The following RCAN2 variants were observed in gnomAD, a reference collection of about 807,000 sequenced individuals.
RCAN2 encodes the protein calcipressin-2.
In RCAN2, 9 loss-of-function variants were observed where a neutral mutation model predicts 23.6. The ratio of observed to expected loss-of-function variants is 0.38; its 90% CI spans 0.23 to 0.67. The LOEUF is 0.67. RCAN2 is among the 30% of genes least tolerant of loss of function. The pLI, the probability that RCAN2 is intolerant of heterozygous loss-of-function variation, is 0.51. For missense variants in RCAN2, 273 were observed against 302.3 expected (o/e 0.90, Z 0.72); for synonymous variants, 109 against 115.7 (o/e 0.94, Z 0.37).
intron 1 of RCAN2, among the ~76,000 whole-genome samples, chr6:46,470,876 G>C (rs956630812): frequency 1.7e-4 from 26 of 152,124 alleles, no homozygotes; most frequent in African/African-American, 6.3e-4. Context: ...ATTGTGCATG[G>C]CTCAGTCTTT....
At chr6:46,228,972 C>CA (rs1451915249) in intron 4 of RCAN2, among the ~76,000 whole-genome samples, 1 of 152,160 alleles carries the variant, frequency 6.6e-6, no homozygotes, top group Non-Finnish European at 1.5e-5. Flanking sequence ...CTGGTGATGA[C>CA]AAAATCTCTC....
At chr6:46,389,149 T>G (rs1240846280) in intron 2 of RCAN2, among the ~76,000 whole-genome samples, 1 of 152,096 alleles carries the variant, frequency 6.6e-6, no homozygotes, top group African/African-American at 2.4e-5. Context: ...AAAAAATAGT[T>G]TCAGAGGCTT....
intron 2 of RCAN2, among the ~76,000 whole-genome samples, chr6:46,255,210 T>C (rs1766865694): frequency 6.6e-6 from 1 of 151,888 alleles, no homozygotes; most frequent in South Asian, 2.1e-4. Flanking sequence ...AGGAAGTGGA[T>C]ATTTGGGTCA....
At chr6:46,460,545 G>C (rs887028994) in intron 1 of RCAN2, among the ~76,000 whole-genome samples, 3 of 151,870 alleles carry the variant, frequency 2.0e-5, no homozygotes, top group Admixed American at 6.6e-5. Context: ...ACCTCACCCA[G>C]GCTGGGATGA....
At chr6:46,470,446 G>A (rs796774409) in intron 1 of RCAN2, among the ~76,000 whole-genome samples, 16 of 152,330 alleles carry the variant, frequency 1.1e-4, no homozygotes, top group African/African-American at 3.8e-4. Context: ...ACCTAGTTCA[G>A]TACCAGGAAT....
In RCAN2 at chr6:46,349,251, T is replaced by A. The variant is rs79337111; in HGVS notation, c.226-100355A>T. Among the ~76,000 whole-genome samples the A allele has an allele frequency of 4.1e-3, 624 of 152,216 alleles. 7 individuals carry two copies. The highest frequency in any genetic ancestry group is 0.014 in the African/African-American group (591 of 41,528). On this transcript the variant is annotated intron_variant, in intron 2 of 4. Transcript: ENST00000371374. ...CTAAGAATTCTGGGTCCTGAAGCAATTTTAAATCTAGAGGAGAGAAAGACA... is the reference window on the plus strand; with the variant it reads ...CTAAGAATTCTGGGTCCTGAAGCAAATTTAAATCTAGAGGAGAGAAAGACA...
chr6:46,432,166 C>T (rs1354484568), intron 2 of RCAN2, among the ~76,000 whole-genome samples: 1 of 152,096 alleles, frequency 6.6e-6, no homozygotes, highest in Non-Finnish European at 1.5e-5. Context: ...ACCATAATAA[C>T]TATTTTGTGT....
chr6:46,335,789 C>T (rs1258053872), intron 2 of RCAN2, among the ~76,000 whole-genome samples: 1 of 152,110 alleles, frequency 6.6e-6, no homozygotes, highest in Non-Finnish European at 1.5e-5. Context: ...TGATACCTAC[C>T]TCTGTTTAGA....
At chr6:46,378,399 T>G (rs956481028) in intron 2 of RCAN2, among the ~76,000 whole-genome samples, 1 of 152,152 alleles carries the variant, frequency 6.6e-6, no homozygotes. Context: ...CAAAAGATGG[T>G]AGGTGCTATT....
intron 2 of RCAN2, among the ~76,000 whole-genome samples, chr6:46,452,518 A>G (rs369202385): frequency 2.4e-4 from 36 of 152,320 alleles, no homozygotes; most frequent in African/African-American, 7.7e-4. Flanking sequence ...CCCTAACAGA[A>G]CAAAAGGAAC....
chr6:46,318,808 GT>G (rs1297330203), intron 2 of RCAN2, among the ~76,000 whole-genome samples: 1 of 152,114 alleles, frequency 6.6e-6, no homozygotes, highest in Non-Finnish European at 1.5e-5. Flanking sequence ...ACACACATAT[GT>G]TTTACCCAGG....
chr6:46,347,625 GT>G (rs1331808932), intron 2 of RCAN2, among the ~76,000 whole-genome samples: 6 of 152,074 alleles, frequency 3.9e-5, no homozygotes, highest in African/African-American at 1.4e-4. Flanking sequence ...TTTAATAATA[GT>G]TACCTTGTTT....
chr6:46,284,284 G>A (rs552593858), intron 2 of RCAN2, among the ~76,000 whole-genome samples: 5 of 152,124 alleles, frequency 3.3e-5, no homozygotes, highest in South Asian at 2.1e-4. Flanking sequence ...ATTTAGTCTC[G>A]GCAGAGTGGG....
At chr6:46,436,353 C>T (rs1767363032) in intron 2 of RCAN2, among the ~76,000 whole-genome samples, 1 of 152,212 alleles carries the variant, frequency 6.6e-6, no homozygotes, top group Non-Finnish European at 1.5e-5. Context: ...GCTGGGATTA[C>T]AGGCGCGTGC....
chr6:46,325,267 A>G (rs1438872043), intron 2 of RCAN2: 2 of 958,898 alleles, frequency 2.1e-6, no homozygotes, highest in Non-Finnish European at 3.1e-6. Flanking sequence ...CACTCACTAC[A>G]TGCATTTCTA....
chr6:46,285,997 A>C (rs1561842914), intron 2 of RCAN2, among the ~76,000 whole-genome samples: 1 of 152,252 alleles, frequency 6.6e-6, no homozygotes, highest in South Asian at 2.1e-4. Flanking sequence ...GATGAGCTGC[A>C]TGAAGCTCCT....
intron 2 of RCAN2, among the ~76,000 whole-genome samples, chr6:46,286,696 C>A (rs915601072): frequency 6.6e-6 from 1 of 152,088 alleles, no homozygotes; most frequent in South Asian, 2.1e-4. Context: ...CAGACATGCC[C>A]AGGCAGTTAG....
At chr6:46,309,833 A>G (rs1355698934) in intron 2 of RCAN2, among the ~76,000 whole-genome samples, 2 of 152,190 alleles carry the variant, frequency 1.3e-5, no homozygotes, top group African/African-American at 4.8e-5. Context: ...AAAGACTAGT[A>G]AGGAATTCAA....
rs146107064 is a variant in RCAN2, at chr6:46,415,488, C to T, written c.225+41264G>A. On this transcript the variant is annotated intron_variant, in intron 2 of 4. Coordinates refer to ENST00000371374, the MANE Select transcript of RCAN2 (RefSeq NM_001251974.2). The stretch of plus-strand genomic sequence containing the variant: ...CCTGTGAGCATTCAGGCCTCAGTAG[C>T]ACATGTGAGTGAATAGATTCAGGAG... 5.2e-4 allele frequency among the ~76,000 whole-genome samples: 79 copies of T among 152,234 alleles called. 2 individuals carry two copies. The East Asian group carries it at 0.015, about 28-fold the overall frequency.
Sources: gnomAD v4.1 joint callset for allele counts (sites outside exome capture counted in the v4.1 genomes callset) on GRCh38, gnomAD v4.1.1 for gene constraint, MANE v1.5 for transcripts, NCBI Gene and HGNC (gene_info 2026-07-23, HGNC 2026-07-21) for gene names.